Variants in SCHIP1 observed in about 807,000 individuals in gnomAD.
SCHIP1 encodes the protein schwannomin interacting protein 1.
A neutral mutation model predicts 29.7 loss-of-function variants in SCHIP1; 8 were observed. The ratio of observed to expected loss-of-function variants is 0.27; its 90% CI spans 0.16 to 0.49. The LOEUF (loss-of-function observed/expected upper bound fraction) is 0.49, where lower values mean the gene tolerates loss of function less well. SCHIP1 is among the 20% of genes least tolerant of loss of function. The pLI, the probability that SCHIP1 is intolerant of heterozygous loss-of-function variation, is 0.99. For synonymous variants in SCHIP1, 76 were observed against 94.9 expected (o/e 0.80, Z 1.16); for missense variants, 193 against 294.6 (o/e 0.66, Z 2.52).
chr3:159,596,011 A>T, the SCHIP1 span, among the ~76,000 whole-genome samples: 4,665 of 152,342 alleles, frequency 0.031, 157 homozygotes, highest in African/African-American at 0.082. Flanking sequence ...CAGAATGAAC[A>T]GGCAACCTAC....
chr3:159,422,961 A>T, the SCHIP1 span, among the ~76,000 whole-genome samples: 1 of 30,574 alleles, frequency 3.3e-5, no homozygotes, highest in Non-Finnish European at 1.0e-4. Context: ...TTAGTTACAT[A>T]AGAGTAGAAT....
In SCHIP1 at chr3:159,886,325, G is replaced by T; in HGVS notation, c.267+1G>T. ...CTTGGACACCCCCTTGTCTCCCATG[G>T]TGAGTCCAAACAGCACCAGCTGAAG... On this transcript the variant is annotated splice_donor_variant, in intron 3 of 6. Coordinates refer to ENST00000445224, the Ensembl canonical transcript of SCHIP1. LOFTEE classifies it high-confidence loss of function. 6.2e-7 allele frequency: 1 copy of T among 1,613,694 alleles called. No homozygotes were observed. The highest frequency in any genetic ancestry group is 8.5e-7 in the Non-Finnish European group (1 of 1,179,742).
intron 2 of SCHIP1, among the ~76,000 whole-genome samples, chr3:159,867,490 A>C (rs554836535): frequency 6.6e-6 from 1 of 152,220 alleles, no homozygotes; most frequent in African/African-American, 2.4e-5. Flanking sequence ...TCACATATAC[A>C]CCTATTTGTG....
At chr3:159,372,825 A>T in the SCHIP1 span, among the ~76,000 whole-genome samples, 2 of 152,074 alleles carry the variant, frequency 1.3e-5, no homozygotes, top group African/African-American at 2.4e-5. Flanking sequence ...CACAACCACA[A>T]CCATTTGTGC....
At chr3:159,415,395 C>A in the SCHIP1 span, among the ~76,000 whole-genome samples, 1 of 152,000 alleles carries the variant, frequency 6.6e-6, no homozygotes, top group South Asian at 2.1e-4. Context: ...GTTTCATTAC[C>A]CAGGTATTAA....
the SCHIP1 span, chr3:159,399,035 C>G: frequency 1.6e-6 from 1 of 615,812 alleles, no homozygotes; most frequent in Non-Finnish European, 2.0e-6. Context: ...CACCCCAAAC[C>G]CTCACTCCCC....
At chr3:159,370,100 G>A in the SCHIP1 span, among the ~76,000 whole-genome samples, 1 of 152,126 alleles carries the variant, frequency 6.6e-6, no homozygotes, top group Non-Finnish European at 1.5e-5. Flanking sequence ...ATGTAATCTT[G>A]TTAAAACCTA....
the SCHIP1 span, among the ~76,000 whole-genome samples, chr3:159,527,333 C>G: frequency 6.6e-6 from 1 of 152,220 alleles, no homozygotes; most frequent in African/African-American, 2.4e-5. Context: ...AACAGGGCCT[C>G]TGTCAGGACA....
the SCHIP1 span, among the ~76,000 whole-genome samples, chr3:159,572,175 T>G: frequency 8.5e-5 from 13 of 152,188 alleles, no homozygotes; most frequent in Non-Finnish European, 1.6e-4. Context: ...AGCTTTTGAA[T>G]GTGTTTGCTC....
intron 1 of SCHIP1, among the ~76,000 whole-genome samples, chr3:159,847,208 G>A (rs1350295912): frequency 6.6e-6 from 1 of 152,196 alleles, no homozygotes; most frequent in Admixed American, 6.5e-5. Flanking sequence ...ACATTGCATT[G>A]ATGCTTGCTT....
the SCHIP1 span, among the ~76,000 whole-genome samples, chr3:159,673,293 T>G: frequency 6.6e-6 from 1 of 152,246 alleles, no homozygotes; most frequent in Admixed American, 6.5e-5. Context: ...TGGTGAGCAG[T>G]CTGCATGGCC....
the SCHIP1 span, among the ~76,000 whole-genome samples, chr3:159,337,778 A>G: frequency 6.6e-6 from 1 of 152,244 alleles, no homozygotes; most frequent in South Asian, 2.1e-4. Flanking sequence ...CCCTGTTTCA[A>G]TCCAAAATAG....
the SCHIP1 span, among the ~76,000 whole-genome samples, chr3:159,638,958 C>T: frequency 6.6e-6 from 1 of 151,920 alleles, no homozygotes; most frequent in South Asian, 2.1e-4. Flanking sequence ...GAGTGCCCTA[C>T]TTTGAGACAA....
At chr3:159,485,124 C>A in the SCHIP1 span, among the ~76,000 whole-genome samples, 1 of 151,890 alleles carries the variant, frequency 6.6e-6, no homozygotes, top group East Asian at 1.9e-4. Context: ...TCAGGAAATA[C>A]TTTCTTCCCT....
At chr3:159,820,293 A>G in the SCHIP1 span, among the ~76,000 whole-genome samples, 3 of 152,186 alleles carry the variant, frequency 2.0e-5, no homozygotes, top group African/African-American at 7.2e-5. Context: ...GTGTTTTTAC[A>G]GCCCACCTCC....
At chr3:159,634,385 T>G in the SCHIP1 span, among the ~76,000 whole-genome samples, 3 of 152,186 alleles carry the variant, frequency 2.0e-5, no homozygotes, top group African/African-American at 7.2e-5. Flanking sequence ...ATATTTATTT[T>G]TAAACCAGTG....
chr3:159,751,983 C>G, the SCHIP1 span, among the ~76,000 whole-genome samples: 1 of 152,170 alleles, frequency 6.6e-6, no homozygotes, highest in Non-Finnish European at 1.5e-5. Flanking sequence ...ATTCTCGTGA[C>G]AGTGAGTGAG....
the SCHIP1 span, among the ~76,000 whole-genome samples, chr3:159,628,459 G>T: frequency 6.6e-6 from 1 of 152,076 alleles, no homozygotes; most frequent in South Asian, 2.1e-4. Flanking sequence ...GGAAGCTGAC[G>T]TACAAGTGAT....
the SCHIP1 span, among the ~76,000 whole-genome samples, chr3:159,541,060 A>G: frequency 6.6e-6 from 1 of 152,124 alleles, no homozygotes; most frequent in African/African-American, 2.4e-5. Flanking sequence ...GCTACGGATG[A>G]ACCAGCATAC....
Sources: allele counts gnomAD v4.1 joint callset (sites outside exome capture counted in the v4.1 genomes callset), GRCh38; gene constraint gnomAD v4.1.1; transcripts MANE v1.5; gene names NCBI Gene and HGNC (gene_info 2026-07-23, HGNC 2026-07-21).